RAF1: variants seen among roughly 807,000 people sequenced by gnomAD.
RAF1 encodes the protein Raf-1 proto-oncogene, serine/threonine kinase, also known as RAF proto-oncogene serine/threonine-protein kinase.
Under a neutral mutation model 81.1 loss-of-function variants are expected in RAF1, and 27 were observed. The ratio of observed to expected loss-of-function variants is 0.33; its 90% CI spans 0.25 to 0.46. RAF1 has a LOEUF of 0.46. Among genes scored for constraint, RAF1 ranks in the 20% least tolerant of loss-of-function variants. The pLI, the probability that RAF1 is intolerant of heterozygous loss-of-function variation, is 1.00. For synonymous variants in RAF1, 298 were observed against 294.0 expected, an observed-to-expected ratio of 1.01 and a Z score of -0.14; for missense variants, 598 against 826.0, an observed-to-expected ratio of 0.72 and a Z score of 3.38.
At chr3:12,591,955 ACT>A in intron 11 of RAF1, 163 bp from the exon 11 acceptor site, 1 of 665,892 alleles carries the variant, frequency 1.5e-6, no homozygotes, top group Admixed American at 2.1e-5. Flanking sequence ...ACAGGGTCTC[ACT>A]CTGTTGTCTA....
At position 12,590,830 on chromosome 3, in the gene RAF1, A is replaced by T; in HGVS notation, c.1398T>A (p.Ile466=). The T allele has an allele frequency of 6.2e-7, 1 of 1,613,974 alleles. No homozygotes were observed. Among genetic ancestry groups the T allele is most frequent in the Non-Finnish European group, 8.5e-7 (1 of 1,179,940 alleles). The change falls in exon 13 of 18, where the codon ATT becomes ATA. Residue 466 remains isoleucine (I), a synonymous_variant. Coordinates refer to ENST00000442415, the MANE Select transcript of RAF1 (RefSeq NM_001354689.3). ...CCTGAGCCGTCTGCCGGGCAATGTC[A>T]ATTAGCTGGAACATCTGAAACTTGG...
intron 5 of RAF1, among the ~76,000 whole-genome samples, chr3:12,607,949 CAAAAAAAAAAAA>C (rs58308841): frequency 3.0e-5 from 2 of 66,860 alleles, no homozygotes; most frequent in South Asian, 8.5e-4. Flanking sequence ...GACTTGTCTC[CAAAAAAAAAAAA>C]AAAAAAAAAA....
chr3:12,584,007 GGCCAGAGTCT>G lies in RAF1; in HGVS notation c.*497_*506del, dbSNP rs2058230328. The G allele has an allele frequency of 4.0e-6, 1 of 250,704 alleles. No homozygotes were observed. The highest frequency in any genetic ancestry group is 2.2e-5 in the African/African-American group (1 of 45,714). The allele number at this position is 250,704 out of a possible 1,614,324, so 15.5% of individuals were successfully genotyped here. ...AGTACCAAAGCAGGCTCCTTCGGGC[GGCCAGAGTCT>G]CGGCAGTCCTGGGCTGTTTGGTGCC... On this transcript the variant is annotated 3_prime_UTR_variant, in exon 18 of 18. Coordinates refer to ENST00000442415, the MANE Select transcript of RAF1 (RefSeq NM_001354689.3).
At position 12,630,180 on chromosome 3, in the gene RAF1, T is replaced by G. The variant is rs557479176; in HGVS notation, c.-26-11433A>C. ...TTTTACTAATCCTAACACATTTTTTTGGGTATCATCTTCTAATATTAGAGG... is the reference window on the plus strand; with the variant it reads ...TTTTACTAATCCTAACACATTTTTTGGGGTATCATCTTCTAATATTAGAGG... On this transcript the variant is annotated intron_variant, in intron 1 of 17. Transcript: ENST00000442415. Among the ~76,000 whole-genome samples, 21 of 152,344 alleles carry G rather than the reference T, an allele frequency of 1.4e-4. No homozygotes were observed. The South Asian group carries it at 3.9e-3, about 29-fold the overall frequency.
At chr3:12,587,363 G>C in intron 14 of RAF1, 3 of 578,004 alleles carry the variant, frequency 5.2e-6, no homozygotes. Flanking sequence ...GATAAACTCA[G>C]AAAGGAACCT....
chr3:12,618,707 C>T lies in RAF1; in HGVS notation c.15G>A (p.Gln5=), dbSNP rs2059454019. ...CATTGCTGATCGTCTTCCAAGCTCC[C>T]TGTATGTGCTCCATTGATGCAGCTT... Residue 5 remains glutamine (Q), a synonymous_variant, in exon 2 of 18, where the codon CAG becomes CAA. Transcript: ENST00000442415. The T allele has an allele frequency of 6.2e-7, 1 of 1,614,072 alleles. No individual in the cohort carries two copies. Among genetic ancestry groups the T allele is most frequent in the African/African-American group, 1.3e-5 (1 of 74,926 alleles).
chr3:12,642,719 CAA>C (rs59553592), intron 1 of RAF1, among the ~76,000 whole-genome samples: 1 of 141,376 alleles, frequency 7.1e-6, no homozygotes, highest in Non-Finnish European at 1.5e-5. Flanking sequence ...CACACACACA[CAA>C]AATAGCTGCG....
chr3:12,655,738 C>T (rs1245871092), intron 1 of RAF1, among the ~76,000 whole-genome samples: 1 of 151,884 alleles, frequency 6.6e-6, no homozygotes, highest in Non-Finnish European at 1.5e-5. Context: ...ATTATTCAGC[C>T]ATAAAAAGGA....
intron 11 of RAF1, among the ~76,000 whole-genome samples, chr3:12,594,207 G>A (rs1532533): frequency 0.43 from 65,737 of 151,796 alleles, 14,880 homozygotes; most frequent in African/African-American, 0.52. Flanking sequence ...AGGGATGAAG[G>A]TAAGAAATCC....
At chr3:12,644,355 G>T (rs776830651) in intron 1 of RAF1, among the ~76,000 whole-genome samples, 1 of 152,120 alleles carries the variant, frequency 6.6e-6, no homozygotes, top group African/African-American at 2.4e-5. Flanking sequence ...AGCCAAACTA[G>T]AACACCCACT....
At chr3:12,655,140 T>C (rs1250682464) in intron 1 of RAF1, among the ~76,000 whole-genome samples, 1 of 152,222 alleles carries the variant, frequency 6.6e-6, no homozygotes, top group Non-Finnish European at 1.5e-5. Context: ...TGGAGTGCAA[T>C]GGCGCAATCT....
In RAF1 at chr3:12,584,637, C is replaced by T. The variant is rs1057523409; in HGVS notation, c.1884G>A (p.Leu628=). Residue 628 remains leucine (L), a synonymous_variant, in exon 18 of 18, where the codon CTG becomes CTA. Transcript: ENST00000442415. ...TGATCTTCGGTAGAGAGTGTTGGAG[C>T]AGCTCAATGGAAGACAGGATCTGAA... 5.0e-6 allele frequency: 8 copies of T among 1,614,130 alleles called. No individual in the cohort carries two copies. Among genetic ancestry groups the T allele is most frequent in the Non-Finnish European group, 6.8e-6 (8 of 1,180,014 alleles).
intron 14 of RAF1, among the ~76,000 whole-genome samples, chr3:12,586,581 A>G (rs1276683168): frequency 6.6e-6 from 1 of 152,166 alleles, no homozygotes; most frequent in East Asian, 1.9e-4. Flanking sequence ...ACATGTACCT[A>G]AAATAGGCCA....
chr3:12,602,526 AT>A (rs879562318), intron 8 of RAF1, among the ~76,000 whole-genome samples: 4 of 150,868 alleles, frequency 2.7e-5, no homozygotes, highest in Non-Finnish European at 4.4e-5. Context: ...TAATTTTTAC[AT>A]TTTTTTTTGT....
chr3:12,641,059 T>C (rs2060169156), intron 1 of RAF1, among the ~76,000 whole-genome samples: 1 of 152,082 alleles, frequency 6.6e-6, no homozygotes, highest in African/African-American at 2.4e-5. Context: ...TCGTGTCCTT[T>C]GTAGGGACAT....
At chr3:12,663,092 C>T (rs1660447631) in intron 1 of RAF1, among the ~76,000 whole-genome samples, 1 of 152,184 alleles carries the variant, frequency 6.6e-6, no homozygotes, top group African/African-American at 2.4e-5. Flanking sequence ...AACACGGCCG[C>T]CTCGCCTCTC....
rs2058217476 is a variant in RAF1, at chr3:12,583,753, A to AGAGAAACAAGGCTGTTTGT, written c.*742_*760dup. The stretch of plus-strand genomic sequence containing the variant: ...TTCCTTGTATACACATGATGTGACT[A>AGAGAAACAAGGCTGTTTGT]GAGAAACAAGGCTGTTTGTTTGTTT... On this transcript the variant is annotated 3_prime_UTR_variant, in exon 18 of 18. Transcript: ENST00000442415. 4.3e-6 allele frequency: 1 copy of AGAGAAACAAGGCTGTTTGT among 232,920 alleles called. No homozygotes were observed. Among genetic ancestry groups the AGAGAAACAAGGCTGTTTGT allele is most frequent in the Non-Finnish European group, 8.5e-6 (1 of 117,930 alleles). The allele number at this position is 232,920 out of a possible 1,614,324, so 14.4% of individuals were successfully genotyped here.
chr3:12,604,680 AATTT>A (rs2058971539), intron 6 of RAF1, among the ~76,000 whole-genome samples: 1 of 152,194 alleles, frequency 6.6e-6, no homozygotes. Flanking sequence ...TAAATTTGAG[AATTT>A]ATTTAAACAG....
chr3:12,622,551 TAG>T (rs1450177700), intron 1 of RAF1, among the ~76,000 whole-genome samples: 8 of 152,298 alleles, frequency 5.3e-5, no homozygotes, highest in Admixed American at 1.3e-4. Flanking sequence ...GACATCTCTT[TAG>T]AGAGGCTTTC....
Sources: gnomAD v4.1 joint callset for allele counts (sites outside exome capture counted in the v4.1 genomes callset) on GRCh38, gnomAD v4.1.1 for gene constraint, MANE v1.5 for transcripts, NCBI Gene and HGNC (gene_info 2026-07-23, HGNC 2026-07-21) for gene names.